DNER: variants seen among roughly 807,000 people sequenced by gnomAD.
DNER encodes delta/notch like EGF repeat containing.
Under a neutral mutation model 78.2 loss-of-function variants are expected in DNER, and 33 were observed. The ratio of observed to expected loss-of-function variants is 0.42; its 90% CI spans 0.32 to 0.56. DNER has a LOEUF of 0.56. Ranked by LOEUF, DNER falls within the 20% of genes least tolerant of loss-of-function variation. The pLI is 0.11. For missense variants in DNER, 918 were observed against 975.3 expected (o/e 0.94, Z 0.78); for synonymous variants, 417 against 384.8 (o/e 1.08, Z -0.98).
chr2:229,469,215 G>A (rs988231694), intron 7 of DNER, among the ~76,000 whole-genome samples: 3 of 152,170 alleles, frequency 2.0e-5, no homozygotes, highest in African/African-American at 7.2e-5. Flanking sequence ...AGCCCCATGA[G>A]GGACAGCGGG....
Position 229,388,333 on chromosome 2 carries a change from C to A in DNER, c.1787G>T (p.Cys596Phe). 1 of 1,611,574 alleles carries A rather than the reference C, an allele frequency of 6.2e-7. No individual in the cohort carries two copies. The highest frequency in any genetic ancestry group is 8.5e-7 in the Non-Finnish European group (1 of 1,178,676). The change falls in exon 11 of 13, where the codon TGC becomes TTC. Residue 596 changes from cysteine to phenylalanine, a missense_variant. Cys to Phe is a radical substitution (Grantham distance 205). Transcript: ENST00000341772. ...GTTATAACCATTGGGCTGGTCCAGGCAGCTCCCACCATGGTGGCAGGGGTT... is the reference window on the plus strand; with the variant it reads ...GTTATAACCATTGGGCTGGTCCAGGAAGCTCCCACCATGGTGGCAGGGGTT... ...DSNPCHHGGS[C>F]LDQPNGYNCH...
At chr2:229,480,724 CAG>C (rs748129503) in intron 6 of DNER, among the ~76,000 whole-genome samples, 12 of 152,224 alleles carry the variant, frequency 7.9e-5, no homozygotes, top group Non-Finnish European at 1.6e-4. Flanking sequence ...ATATTAATAA[CAG>C]AGTTGTCACA....
In DNER at chr2:229,589,457, T is replaced by G. The variant is rs147146849; in HGVS notation, c.586-969A>C. 5.4e-3 allele frequency among the ~76,000 whole-genome samples: 820 copies of G among 152,314 alleles called. 13 individuals carry two copies. Among genetic ancestry groups the G allele is most frequent in the African/African-American group, 0.018 (742 of 41,568 alleles). The stretch of plus-strand genomic sequence containing the variant: ...CAAGCCTCTAAGTCTCCAAATAACT[T>G]TATGTTTCCAAAGCATCATTACTTC... On this transcript the variant is annotated intron_variant, in intron 2 of 12. Transcript: ENST00000341772.
intron 11 of DNER, among the ~76,000 whole-genome samples, chr2:229,376,381 G>A (rs537608802): frequency 6.6e-6 from 1 of 152,242 alleles, no homozygotes; most frequent in South Asian, 2.1e-4. Flanking sequence ...TCAGACACTG[G>A]ATCTGCCAGT....
chr2:229,588,141 G>A (rs996680962), intron 3 of DNER, among the ~76,000 whole-genome samples: 11 of 152,182 alleles, frequency 7.2e-5, no homozygotes, highest in African/African-American at 1.4e-4. Flanking sequence ...AAGGCCTCAC[G>A]GTTTGTCACC....
chr2:229,427,991 C>T (rs941743622), intron 8 of DNER, among the ~76,000 whole-genome samples: 2 of 150,190 alleles, frequency 1.3e-5, no homozygotes, highest in Non-Finnish European at 2.9e-5. Context: ...GGGAGAATTG[C>T]TTGAACCCGG....
intron 9 of DNER, among the ~76,000 whole-genome samples, chr2:229,410,002 C>T (rs564571361): frequency 3.9e-5 from 6 of 152,288 alleles, no homozygotes; most frequent in African/African-American, 9.6e-5. Context: ...CCCTCCTCCT[C>T]TGGAGGTCCC....
At chr2:229,479,340 T>C (rs889628721) in intron 6 of DNER, among the ~76,000 whole-genome samples, 3 of 152,094 alleles carry the variant, frequency 2.0e-5, no homozygotes, top group African/African-American at 7.2e-5. Flanking sequence ...AACAAACAGG[T>C]ATTTAGTATG....
intron 4 of DNER, among the ~76,000 whole-genome samples, chr2:229,581,538 C>T (rs1029453636): frequency 6.6e-6 from 1 of 152,164 alleles, no homozygotes; most frequent in Non-Finnish European, 1.5e-5. Context: ...TTGGTGGCAA[C>T]ACAGCAGGAA....
At chr2:229,547,531 T>C (rs764255596) in intron 4 of DNER, among the ~76,000 whole-genome samples, 11 of 152,170 alleles carry the variant, frequency 7.2e-5, no homozygotes, top group Non-Finnish European at 1.2e-4. Context: ...CCTGGCTACT[T>C]TGGAGTCACA....
At chr2:229,664,048 T>C (rs1699051413) in intron 1 of DNER, among the ~76,000 whole-genome samples, 1 of 152,246 alleles carries the variant, frequency 6.6e-6, no homozygotes, top group African/African-American at 2.4e-5. Context: ...GATAATTTCT[T>C]CATTATCCTT....
intron 1 of DNER, among the ~76,000 whole-genome samples, chr2:229,644,823 T>C (rs1559193797): frequency 6.6e-6 from 1 of 152,108 alleles, no homozygotes; most frequent in Non-Finnish European, 1.5e-5. Flanking sequence ...TAAACTGTAA[T>C]GGGTATTTCA....
At chr2:229,547,214 T>TGACAAAACAAAATGCAGTGA (rs1696645161) in intron 4 of DNER, 122 bp from the exon 5 acceptor site, 10 of 1,368,126 alleles carry the variant, frequency 7.3e-6, no homozygotes, top group Non-Finnish European at 9.8e-6. Flanking sequence ...CACTCAAGTC[T>TGACAAAACAAAATGCAGTGA]GACAAAACAA....
In DNER at chr2:229,429,250, C is replaced by A. The variant is rs1314857845; in HGVS notation, c.1487-11020G>T. Among the ~76,000 whole-genome samples the A allele has an allele frequency of 5.9e-5, 9 of 152,168 alleles. 1 individual carries two copies. In the East Asian group the frequency reaches 1.7e-3, roughly 29 times the overall value. On this transcript the variant is annotated intron_variant, in intron 8 of 12. Coordinates refer to ENST00000341772, the MANE Select transcript of DNER (RefSeq NM_139072.4). ...AATAAAATGTATTTGATGCTATTTTCTTTTTATTAAGTACTTTTTGTAACT... is the reference window on the plus strand; with the variant it reads ...AATAAAATGTATTTGATGCTATTTTATTTTTATTAAGTACTTTTTGTAACT...
chr2:229,691,868 C>T (rs115987726), intron 1 of DNER, among the ~76,000 whole-genome samples: 1,973 of 152,246 alleles, frequency 0.013, 20 homozygotes, highest in Non-Finnish European at 0.021. Context: ...GCACACGTGA[C>T]CCAAGTCAGT....
chr2:229,401,348 T>C (rs1693262439), intron 10 of DNER, among the ~76,000 whole-genome samples: 1 of 151,988 alleles, frequency 6.6e-6, no homozygotes, highest in Non-Finnish European at 1.5e-5. Flanking sequence ...AAAATGAAAA[T>C]TTATGTTCAC....
intron 10 of DNER, among the ~76,000 whole-genome samples, chr2:229,399,278 A>C (rs1340165787): frequency 6.7e-6 from 1 of 149,420 alleles, no homozygotes; most frequent in Non-Finnish European, 1.5e-5. Flanking sequence ...GAACAATTCT[A>C]TTTACAATCA....
chr2:229,658,893 G>C (rs1698958455), intron 1 of DNER, among the ~76,000 whole-genome samples: 1 of 152,128 alleles, frequency 6.6e-6, no homozygotes, highest in Admixed American at 6.5e-5. Flanking sequence ...AATTATAATA[G>C]AAGGTTTGAA....
chr2:229,563,070 C>T (rs1696993778), intron 4 of DNER, among the ~76,000 whole-genome samples: 1 of 140,742 alleles, frequency 7.1e-6, no homozygotes, highest in African/African-American at 2.7e-5. Context: ...TCATCCTCCT[C>T]ACCCCATCAC....
Sources: allele counts gnomAD v4.1 joint callset (sites outside exome capture counted in the v4.1 genomes callset), GRCh38; gene constraint gnomAD v4.1.1; transcripts MANE v1.5; gene names NCBI Gene and HGNC (gene_info 2026-07-23, HGNC 2026-07-21).